Variants in RIN3 observed in about 807,000 individuals in gnomAD.
RIN3 encodes the protein RAB5 interacting protein 3.
Under a neutral mutation model 76.3 loss-of-function variants are expected in RIN3, and 54 were observed. That is an observed-to-expected ratio of 0.71 (90% CI 0.57 to 0.89). The LOEUF is 0.89. RIN3 is among the 40% of genes least tolerant of loss of function. The probability of loss-of-function intolerance (pLI) is 0.00; values close to 1 mark genes in which losing one functional copy is unlikely to be tolerated. For synonymous variants in RIN3, 576 were observed against 564.0 expected, an observed-to-expected ratio of 1.02 and a Z score of -0.30; for missense variants, 1,256 against 1,322.1, an observed-to-expected ratio of 0.95 and a Z score of 0.78.
intron 1 of RIN3, among the ~76,000 whole-genome samples, chr14:92,538,754 T>C (rs1947724928): frequency 1.3e-5 from 2 of 152,176 alleles, no homozygotes; most frequent in South Asian, 4.1e-4. Flanking sequence ...AGGGAAACTT[T>C]ATTTTTCAAA....
At chr14:92,580,116 C>G (rs1350394533) in intron 3 of RIN3, among the ~76,000 whole-genome samples, 3 of 152,258 alleles carry the variant, frequency 2.0e-5, no homozygotes. Context: ...GTGGCTCAAG[C>G]CTGTAATCCC....
chr14:92,620,175 A>G (rs1886121903), intron 4 of RIN3, among the ~76,000 whole-genome samples: 3 of 152,262 alleles, frequency 2.0e-5, no homozygotes, highest in Admixed American at 2.0e-4. Context: ...ACCAGTTTGC[A>G]CAGAGAGAAA....
At chr14:92,617,309 A>C (rs1326072691) in intron 4 of RIN3, among the ~76,000 whole-genome samples, 1 of 151,974 alleles carries the variant, frequency 6.6e-6, no homozygotes, top group Admixed American at 6.5e-5. Flanking sequence ...TCAAAAAAAA[A>C]ACCAAAATAA....
Position 92,615,468 on chromosome 14 carries a change from C to T in RIN3, c.429C>T (p.Tyr143=). 1 of 1,614,002 alleles carries T rather than the reference C, an allele frequency of 6.2e-7. No individual in the cohort carries two copies. The highest frequency in any genetic ancestry group is 8.5e-7 in the Non-Finnish European group (1 of 1,179,864). Reference sequence around the variant, plus strand: ...ACATCTTCAGATTGATTGCGTTCTACTGTGTCAGTAGGTGAGTAGACCCGG... The same window carrying T: ...ACATCTTCAGATTGATTGCGTTCTATTGTGTCAGTAGGTGAGTAGACCCGG... ...FEDIFRLIAF[Y]CVSRDLLPFT... The change falls in exon 4 of 10, where the codon TAC becomes TAT. Residue 143 remains tyrosine (Y), a synonymous_variant. Transcript: ENST00000216487.
chr14:92,515,399 A>G, intron 1 of RIN3: 1 of 577,058 alleles, frequency 1.7e-6, no homozygotes. Context: ...TTTTCCCCAG[A>G]GATGACCTAG....
intron 3 of RIN3, among the ~76,000 whole-genome samples, chr14:92,582,635 T>C (rs1467341176): frequency 5.3e-5 from 8 of 152,046 alleles, no homozygotes; most frequent in Admixed American, 3.3e-4. Context: ...GTGTATTTAG[T>C]GGAAACCAGG....
intron 3 of RIN3, among the ~76,000 whole-genome samples, chr14:92,588,474 C>A (rs1455876449): frequency 6.6e-6 from 1 of 151,946 alleles, no homozygotes; most frequent in African/African-American, 2.4e-5. Context: ...GATCCGCCTG[C>A]CTCGGCCTCC....
rs1027177441 is a variant in RIN3 at position 92,681,420 on chromosome 14, T to G, written c.2468-3567T>G. 6.6e-6 allele frequency among the ~76,000 whole-genome samples: 1 copy of G among 152,208 alleles called. No homozygotes were observed. Among genetic ancestry groups the G allele is most frequent in the Non-Finnish European group, 1.5e-5 (1 of 68,036 alleles). ...CCCAGAGCACCTCCCTGAGGCCTCA[T>G]AGCCACCATGCGTTATTCACACATT... is the stretch of plus-strand genomic sequence containing the variant. On this transcript the variant is annotated intron_variant, in intron 8 of 9. Transcript: ENST00000216487. The surrounding 1 kb of genome is among the most constrained non-coding windows in gnomAD (Gnocchi z 4.7).
chr14:92,545,582 C>CTTTTTT (rs11324822), intron 1 of RIN3, among the ~76,000 whole-genome samples: 14 of 114,702 alleles, frequency 1.2e-4, no homozygotes, highest in Admixed American at 2.9e-4. Context: ...TTTTCTTTTT[C>CTTTTTT]TTTTTTTTTT....
intron 1 of RIN3, among the ~76,000 whole-genome samples, chr14:92,521,523 A>G (rs942330565): frequency 2.0e-5 from 3 of 152,094 alleles, no homozygotes; most frequent in Non-Finnish European, 4.4e-5. Flanking sequence ...CTCAGTTCAC[A>G]TGAGATCTGG....
In RIN3 at chr14:92,652,597, G is replaced by A; in HGVS notation, c.1548G>A (p.Gln516=). ...SQAGTQHPPA[Q]ATAHSQSSPE... ...CTGGGACTCAGCACCCTCCTGCCCA[G>A]GCCACTGCCCATTCCCAGAGCTCTC... is the stretch of plus-strand genomic sequence containing the variant. Residue 516 remains glutamine (Q), a synonymous_variant, in exon 6 of 10, where the codon CAG becomes CAA. Transcript: ENST00000216487. This position sits in a 1 kb window ranked among gnomAD's most constrained non-coding sequence, Gnocchi z 6.4. 6.2e-7 allele frequency: 1 copy of A among 1,611,412 alleles called. No individual in the cohort carries two copies. The highest frequency in any genetic ancestry group is 8.5e-7 in the Non-Finnish European group (1 of 1,179,868).
intron 2 of RIN3, among the ~76,000 whole-genome samples, chr14:92,570,930 T>C (rs1298627096): frequency 6.6e-6 from 1 of 152,230 alleles, no homozygotes; most frequent in African/African-American, 2.4e-5. Flanking sequence ...CCTGTTAAAT[T>C]AAGTTTAGCC....
Position 92,652,675 on chromosome 14 carries a change from C to A in RIN3, c.1626C>A (p.Val542=). The change falls in exon 6 of 10, where the codon GTC becomes GTA. Residue 542 remains valine, a synonymous_variant. Coordinates refer to ENST00000216487, the MANE Select transcript of RIN3 (RefSeq NM_024832.5). This position sits in a 1 kb window ranked among gnomAD's most constrained non-coding sequence, Gnocchi z 6.4. The part of the protein sequence containing the change: ...ASLSDSLGVS[V]MATDQDSYST... ...TCTCAGACAGCTTGGGGGTGTCTGTCATGGCCACCGACCAGGACTCCTACT... is the reference window on the plus strand; with the variant it reads ...TCTCAGACAGCTTGGGGGTGTCTGTAATGGCCACCGACCAGGACTCCTACT... 3.1e-6 allele frequency: 5 copies of A among 1,612,858 alleles called. No homozygotes were observed. Among genetic ancestry groups the A allele is most frequent in the Non-Finnish European group, 4.2e-6 (5 of 1,180,014 alleles).
chr14:92,592,688 T>G lies in RIN3; in HGVS notation c.367+15211T>G, dbSNP rs897210376. 2.4e-5 allele frequency among the ~76,000 whole-genome samples: 3 copies of G among 123,020 alleles called. No individual in the cohort carries two copies. In the Admixed American group the frequency reaches 2.5e-4, roughly 10 times the overall value. 80.7% of individuals were successfully genotyped at this position (123,020 alleles called of 152,430 possible). On this transcript the variant is annotated intron_variant, in intron 3 of 9. Coordinates refer to ENST00000216487, the MANE Select transcript of RIN3 (RefSeq NM_024832.5). ...TTATTATTATTATTATTATTATTAT[T>G]ATTGTGAGACAGAGTCTTACTCTGT... is the stretch of plus-strand genomic sequence containing the variant.
chr14:92,670,901 A>G (rs1888266601), intron 7 of RIN3, among the ~76,000 whole-genome samples: 1 of 152,182 alleles, frequency 6.6e-6, no homozygotes, highest in Non-Finnish European at 1.5e-5. Context: ...AAATGCTACA[A>G]ATCAAGGTTG....
chr14:92,518,512 C>T (rs999404962), intron 1 of RIN3, among the ~76,000 whole-genome samples: 4 of 152,192 alleles, frequency 2.6e-5, no homozygotes, highest in Non-Finnish European at 5.9e-5. Context: ...CACAAGGCTA[C>T]CACACTCCTC....
At chr14:92,522,369 T>G (rs1018464644) in intron 1 of RIN3, among the ~76,000 whole-genome samples, 25 of 152,204 alleles carry the variant, frequency 1.6e-4, no homozygotes, top group Admixed American at 6.5e-4. Context: ...AAAAATGTAT[T>G]ATAGACTTTA....
chr14:92,575,925 G>A (rs1056798135), intron 2 of RIN3, among the ~76,000 whole-genome samples: 3 of 152,178 alleles, frequency 2.0e-5, no homozygotes, highest in Non-Finnish European at 4.4e-5. Flanking sequence ...GGGTCACTCT[G>A]GTTCAGACGG....
intron 4 of RIN3, among the ~76,000 whole-genome samples, chr14:92,629,097 G>C (rs964550930): frequency 2.0e-5 from 3 of 151,036 alleles, no homozygotes; most frequent in African/African-American, 4.9e-5. Context: ...GCCCACCAAG[G>C]GTCCTGAGTC....
Sources: gnomAD v4.1 joint callset for allele counts (sites outside exome capture counted in the v4.1 genomes callset) on GRCh38, gnomAD v4.1.1 for gene constraint, Gnocchi (gnomAD v3.1) non-coding constraint, MANE v1.5 for transcripts, NCBI Gene and HGNC (gene_info 2026-07-23, HGNC 2026-07-21) for gene names.